MTA3: variants seen among roughly 807,000 people sequenced by gnomAD.
MTA3 encodes the protein metastasis-associated protein MTA3.
A neutral mutation model predicts 83.5 loss-of-function variants in MTA3; 34 were observed. The ratio of observed to expected loss-of-function variants is 0.41; its 90% CI spans 0.31 to 0.54. MTA3 has a LOEUF of 0.54. Ranked by LOEUF, MTA3 falls within the 20% of genes least tolerant of loss-of-function variation. The pLI is 0.33. For synonymous variants in MTA3, 303 were observed against 252.7 expected (o/e 1.20, Z -1.89); for missense variants, 761 against 726.4 (o/e 1.05, Z -0.55).
At chr2:42,706,284 A>T (rs1202871340) in intron 12 of MTA3, among the ~76,000 whole-genome samples, 1 of 152,166 alleles carries the variant, frequency 6.6e-6, no homozygotes, top group African/African-American at 2.4e-5. Context: ...ATAATAATAA[A>T]ATAAAAAATT....
At chr2:42,623,725 G>A (rs1479082041) in intron 4 of MTA3, among the ~76,000 whole-genome samples, 2 of 141,036 alleles carry the variant, frequency 1.4e-5, no homozygotes, top group Non-Finnish European at 3.0e-5. Context: ...TTGAGACAGA[G>A]TCTGTCGCCC....
intron 3 of MTA3, among the ~76,000 whole-genome samples, chr2:42,608,012 G>A (rs1195397857): frequency 6.6e-6 from 1 of 152,150 alleles, no homozygotes; most frequent in East Asian, 1.9e-4. Context: ...TTTAAAAAGT[G>A]GTTTTCATTA....
chr2:42,640,328 T>A, intron 5 of MTA3, 92 bp downstream of exon 5: 1 of 880,478 alleles, frequency 1.1e-6, no homozygotes, highest in Non-Finnish European at 1.7e-6. Context: ...TACAAAAGTA[T>A]TATTCCACCA....
At chr2:42,549,370 C>T (rs866460751) in intron 2 of MTA3, among the ~76,000 whole-genome samples, 4 of 113,324 alleles carry the variant, frequency 3.5e-5, no homozygotes, top group African/African-American at 7.0e-5. Flanking sequence ...TACGTATATA[C>T]GTATATAAAA....
At chr2:42,543,013 A>C (rs6737072) in intron 2 of MTA3, among the ~76,000 whole-genome samples, 54,469 of 151,794 alleles carry the variant, frequency 0.36, 9,858 homozygotes, top group South Asian at 0.41. Flanking sequence ...TGGGGTAGGC[A>C]AGAAGTGTGG....
chr2:42,591,785 A>G (rs1481178179), intron 3 of MTA3, among the ~76,000 whole-genome samples: 2 of 151,976 alleles, frequency 1.3e-5, no homozygotes, highest in Admixed American at 1.3e-4. Flanking sequence ...CGAGTAGCTG[A>G]GATGACAGGT....
At position 42,755,719 on chromosome 2, in the gene MTA3, G is replaced by A. The variant is rs1043992642; in HGVS notation, c.*2320G>A. On this transcript the variant is annotated 3_prime_UTR_variant, in exon 17 of 17. Coordinates refer to ENST00000405094, the MANE Select transcript of MTA3 (RefSeq NM_001330442.2). ...TGCTGAGAGGGTTTCCCAGCCACCC[G>A]CTCCCTTTCTGGGGCCATGGTGTCC... 10 of 985,456 alleles carry A rather than the reference G, an allele frequency of 1.0e-5. No individual in the cohort carries two copies. In the South Asian group the frequency reaches 1.4e-4, roughly 14 times the overall value. 61.0% of individuals were successfully genotyped at this position (985,456 alleles called of 1,614,324 possible).
At chr2:42,668,552 A>G (rs750835193) in intron 8 of MTA3, among the ~76,000 whole-genome samples, 12 of 152,206 alleles carry the variant, frequency 7.9e-5, no homozygotes, top group African/African-American at 7.2e-5. Context: ...TCAGAGCTCA[A>G]TAAATATTAG....
chr2:42,548,816 T>TATATATTATATA (rs1676887029), intron 2 of MTA3, among the ~76,000 whole-genome samples: 1 of 35,156 alleles, frequency 2.8e-5, no homozygotes, highest in African/African-American at 1.4e-4. Flanking sequence ...AAAAAATATA[T>TATATATTATATA]ATATATATAT....
At chr2:42,546,325 A>G (rs1258989348) in intron 2 of MTA3, among the ~76,000 whole-genome samples, 2 of 152,150 alleles carry the variant, frequency 1.3e-5, no homozygotes, top group Non-Finnish European at 2.9e-5. Flanking sequence ...ACACTGAGGA[A>G]GAAGCCTGTG....
intron 8 of MTA3, among the ~76,000 whole-genome samples, chr2:42,663,050 A>T (rs964625930): frequency 1.3e-5 from 2 of 152,210 alleles, no homozygotes; most frequent in African/African-American, 4.8e-5. Flanking sequence ...ACCTTTTTAA[A>T]AATCACTGCA....
At chr2:42,569,469 C>T (rs546998593) in intron 1 of MTA3, 4 of 152,344 alleles carry the variant, frequency 2.6e-5, no homozygotes, top group East Asian at 3.9e-4. Flanking sequence ...TCACGACGCC[C>T]TCCTCCCTCT....
intron 3 of MTA3, among the ~76,000 whole-genome samples, chr2:42,591,872 A>G (rs2103941550): frequency 6.6e-6 from 1 of 152,260 alleles, no homozygotes; most frequent in Middle Eastern, 3.4e-3. Context: ...GATGGTCTCT[A>G]TCTCCTGACT....
upstream of MTA3, among the ~76,000 whole-genome samples, chr2:42,566,479 A>G (rs1677914621): frequency 6.6e-6 from 1 of 152,112 alleles, no homozygotes; most frequent in African/African-American, 2.4e-5. Flanking sequence ...AGACTAATAT[A>G]TAGAATCTAG....
At position 42,756,462 on chromosome 2, in the gene MTA3, A is replaced by G. The variant is rs1038193828; in HGVS notation, c.*3063A>G. 2.1e-5 allele frequency: 21 copies of G among 985,452 alleles called. No homozygotes were observed. Among genetic ancestry groups the G allele is most frequent in the Non-Finnish European group, 2.4e-5 (20 of 829,998 alleles). The allele number at this position is 985,452 out of a possible 1,614,324, so 61.0% of individuals were successfully genotyped here. On this transcript the variant is annotated 3_prime_UTR_variant, in exon 17 of 17. Coordinates refer to ENST00000405094, the MANE Select transcript of MTA3 (RefSeq NM_001330442.2). ...CAGAGCAGAGCAGGGGGCTGAGGGCAAGCAGGTGGGGCTGTGCGTGGCCTC... is the reference window on the plus strand; with the variant it reads ...CAGAGCAGAGCAGGGGGCTGAGGGCGAGCAGGTGGGGCTGTGCGTGGCCTC...
intron 16 of MTA3, among the ~76,000 whole-genome samples, chr2:42,742,292 C>T (rs528655945): frequency 2.0e-5 from 3 of 152,264 alleles, no homozygotes; most frequent in Admixed American, 2.0e-4. Flanking sequence ...GCATCCGTCA[C>T]CACACCCAGC....
intron 5 of MTA3, among the ~76,000 whole-genome samples, chr2:42,643,188 A>ATG (rs1687861881): frequency 6.6e-6 from 1 of 151,916 alleles, no homozygotes; most frequent in African/African-American, 2.4e-5. Context: ...GAACTCCCAT[A>ATG]GGAGAGATTT....
chr2:42,683,176 C>T (rs534067401), intron 9 of MTA3, among the ~76,000 whole-genome samples: 70 of 152,294 alleles, frequency 4.6e-4, no homozygotes, highest in African/African-American at 1.5e-3. Context: ...CTCTGAGTTC[C>T]AAGTTAAAAT....
chr2:42,532,880 C>A, intron 2 of MTA3: 1 of 339,888 alleles, frequency 2.9e-6, no homozygotes. Context: ...AGGCACCTTT[C>A]TCTTTGGCTT....
Sources: gnomAD v4.1 joint callset for allele counts (sites outside exome capture counted in the v4.1 genomes callset) on GRCh38, gnomAD v4.1.1 for gene constraint, MANE v1.5 for transcripts, NCBI Gene and HGNC (gene_info 2026-07-23, HGNC 2026-07-21) for gene names.